RAB6A: variants seen among roughly 807,000 people sequenced by gnomAD.
RAB6A encodes the protein ras-related protein Rab-6A.
Under a neutral mutation model 32.3 loss-of-function variants are expected in RAB6A, and 8 were observed. The observed-to-expected ratio is 0.25, with a 90% CI of 0.15 to 0.45. The LOEUF (loss-of-function observed/expected upper bound fraction) is 0.45, where lower values mean the gene tolerates loss of function less well. Ranked by LOEUF, RAB6A falls within the 20% of genes least tolerant of loss-of-function variation. The probability of loss-of-function intolerance (pLI) is 1.00; values close to 1 mark genes in which losing one functional copy is unlikely to be tolerated. For synonymous variants in RAB6A, 73 were observed against 82.1 expected (o/e 0.89, Z 0.60); for missense variants, 104 against 249.4 (o/e 0.42, Z 3.93).
chr11:73,677,683 T>C lies in RAB6A; in HGVS notation c.*215A>G, dbSNP rs1393648108. On this transcript the variant is annotated 3_prime_UTR_variant, in exon 8 of 8. Transcript: ENST00000336083. ...TATCACTGGAATATGCTGAAATATT[T>C]TGGCTTTTTGTAAAATATAAATAAT... The C allele has an allele frequency of 3.2e-6, 4 of 1,248,230 alleles. No homozygotes were observed. Among genetic ancestry groups the C allele is most frequent in the African/African-American group, 1.5e-5 (1 of 65,796 alleles). The allele number at this position is 1,248,230 out of a possible 1,614,324, so 77.3% of individuals were successfully genotyped here. A position where few individuals can be genotyped will look rare whatever the true frequency, so the allele number is the denominator to read the frequency against.
Sources: gnomAD v4.1 joint callset for allele counts on GRCh38, gnomAD v4.1.1 for gene constraint, MANE v1.5 for transcripts, NCBI Gene and HGNC (gene_info 2026-07-23, HGNC 2026-07-21) for gene names.